Variants in ASH1L observed in about 807,000 individuals in gnomAD.
The protein encoded by ASH1L is histone-lysine N-methyltransferase ASH1L.
In ASH1L, 23 loss-of-function variants were observed where a neutral mutation model predicts 269.0. The observed-to-expected ratio is 0.09, with a 90% CI of 0.06 to 0.12. The LOEUF is 0.12. Ranked by LOEUF, ASH1L falls within the 10% of genes least tolerant of loss-of-function variation. ASH1L has a pLI of 1.00. For synonymous variants in ASH1L, 1,187 were observed against 1,253.5 expected, an observed-to-expected ratio of 0.95 and a Z score of 1.12; for missense variants, 2,912 against 3,567.8, an observed-to-expected ratio of 0.82 and a Z score of 4.68.
At chr1:155,459,941 T>G (rs2148673054) in intron 3 of ASH1L, 43 bp from the exon 4 acceptor site, 1 of 1,448,962 alleles carries the variant, frequency 6.9e-7, no homozygotes. Flanking sequence ...AAAATTCAAC[T>G]TTAAAAATAA....
At chr1:155,450,146 T>C (rs1663359041) in intron 4 of ASH1L, among the ~76,000 whole-genome samples, 1 of 152,226 alleles carries the variant, frequency 6.6e-6, no homozygotes, top group African/African-American at 2.4e-5. Context: ...CTGATAGTTG[T>C]TACTGTGTTC....
At chr1:155,466,880 G>A (rs1219138223) in intron 3 of ASH1L, among the ~76,000 whole-genome samples, 1 of 151,928 alleles carries the variant, frequency 6.6e-6, no homozygotes, top group Non-Finnish European at 1.5e-5. Flanking sequence ...TCTGATCAAA[G>A]CTTATACTCT....
intron 3 of ASH1L, among the ~76,000 whole-genome samples, chr1:155,461,917 G>A (rs895968156): frequency 6.6e-6 from 1 of 150,660 alleles, no homozygotes; most frequent in East Asian, 2.0e-4. Context: ...TCTTGCCTCA[G>A]CCTCCTGAGT....
rs1243995064 is a variant in ASH1L, at chr1:155,481,741, C to T, written c.1129G>A (p.Gly377Ser). 6.2e-7 allele frequency: 1 copy of T among 1,614,056 alleles called. No individual in the cohort carries two copies. The highest frequency in any genetic ancestry group is 8.5e-7 in the Non-Finnish European group (1 of 1,180,044). ...TTGGCCACTAGGCCAACAGTAGAAC[C>T]CAATTTCTTTCCCAAATCTTTATTA... ...LVNKDLGKKL[G>S]STVGLVAKDC... Residue 377 changes from glycine to serine, a missense_variant, in exon 3 of 28, where the codon GGT (glycine) becomes AGT (serine). This residue lies in a region of ASH1L where 277 missense variants were observed against 367.7 expected (regional missense o/e 0.75). Transcript: ENST00000392403.
chr1:155,418,101 G>A (rs768574546), intron 5 of ASH1L, among the ~76,000 whole-genome samples: 3 of 152,116 alleles, frequency 2.0e-5, no homozygotes, highest in Admixed American at 6.6e-5. Context: ...ACAATAATGC[G>A]ACATCACAAT....
rs781161813 is a variant in ASH1L at position 155,336,886 on chromosome 1, C to T, written c.*774G>A. The T allele has an allele frequency of 2.0e-5, 3 of 152,236 alleles. No individual in the cohort carries two copies. Among genetic ancestry groups the T allele is most frequent in the African/African-American group, 4.8e-5 (2 of 41,398 alleles). The allele number at this position is 152,236 out of a possible 1,614,324, so 9.4% of individuals were successfully genotyped here. On this transcript the variant is annotated 3_prime_UTR_variant, in exon 28 of 28. Transcript: ENST00000392403. ...CACAGCAGACACACAAGAACTACAG[C>T]GCATTAAAAACAGCATGTGTGCTGG...
At chr1:155,349,689 A>G in intron 17 of ASH1L, 93 bp from the exon 18 acceptor site, 1 of 1,019,352 alleles carries the variant, frequency 9.8e-7, no homozygotes, top group Non-Finnish European at 1.4e-6. Context: ...TCAAATTAAA[A>G]GTGAGAGAAA....
chr1:155,521,857 C>A (rs986192838), intron 1 of ASH1L, among the ~76,000 whole-genome samples: 11 of 152,238 alleles, frequency 7.2e-5, no homozygotes, highest in African/African-American at 2.6e-4. Flanking sequence ...GGTGCAAATG[C>A]AAATTTAAGA....
At chr1:155,353,150 T>C (rs1654077248) in intron 16 of ASH1L, among the ~76,000 whole-genome samples, 1 of 152,216 alleles carries the variant, frequency 6.6e-6, no homozygotes, top group Non-Finnish European at 1.5e-5. Flanking sequence ...CTGGTGTCAC[T>C]GCTTATTAGT....
chr1:155,534,383 G>A (rs1353528455), intron 1 of ASH1L, among the ~76,000 whole-genome samples: 2 of 149,432 alleles, frequency 1.3e-5, no homozygotes, highest in African/African-American at 2.5e-5. Context: ...AGAGAAAAAC[G>A]GGTGGATTTA....
intron 5 of ASH1L, among the ~76,000 whole-genome samples, chr1:155,436,363 G>A (rs1160170396): frequency 6.6e-6 from 1 of 150,604 alleles, no homozygotes; most frequent in Non-Finnish European, 1.5e-5. Flanking sequence ...AGCTAATTTT[G>A]TATTTTTAGT....
chr1:155,446,035 CTT>C (rs77905341), intron 4 of ASH1L, among the ~76,000 whole-genome samples: 2 of 119,994 alleles, frequency 1.7e-5, no homozygotes, highest in African/African-American at 6.2e-5. Flanking sequence ...CTACACTGTA[CTT>C]TTTTTTTTTT....
chr1:155,524,653 T>G (rs1669115576), intron 1 of ASH1L, among the ~76,000 whole-genome samples: 1 of 151,772 alleles, frequency 6.6e-6, no homozygotes, highest in East Asian at 1.9e-4. Context: ...GACAACACAG[T>G]GAGACCTCAT....
At chr1:155,495,695 C>T (rs1461747798) in intron 2 of ASH1L, among the ~76,000 whole-genome samples, 1 of 152,076 alleles carries the variant, frequency 6.6e-6, no homozygotes, top group Non-Finnish European at 1.5e-5. Context: ...AATTTCCCTT[C>T]GTCAATAATA....
intron 5 of ASH1L, among the ~76,000 whole-genome samples, chr1:155,434,796 A>C (rs1466456753): frequency 7.9e-5 from 12 of 152,156 alleles, no homozygotes; most frequent in Admixed American, 7.9e-4. Flanking sequence ...GGTTGCAGTG[A>C]GCCGAGATTG....
In ASH1L at chr1:155,343,835, C is replaced by CCTG; in HGVS notation, c.7982-94_7982-93insCAG. ...TATCTGACTCAGGGTCTACATAGAA[C>CCTG]TCATAATCTGAAACAGTATAAATAC... On this transcript the variant is annotated intron_variant, in intron 22 of 27. Transcript: ENST00000392403. This position sits in a 1 kb window ranked among gnomAD's most constrained non-coding sequence, Gnocchi z 6.1. 7.1e-7 allele frequency: 1 copy of CCTG among 1,410,204 alleles called. No homozygotes were observed. Among genetic ancestry groups the CCTG allele is most frequent in the Non-Finnish European group, 9.7e-7 (1 of 1,028,766 alleles). The allele number at this position is 1,410,204 out of a possible 1,614,324, so 87.4% of individuals were successfully genotyped here.
chr1:155,450,176 T>C (rs752846844), intron 4 of ASH1L, among the ~76,000 whole-genome samples: 2 of 152,226 alleles, frequency 1.3e-5, no homozygotes, highest in African/African-American at 2.4e-5. Context: ...TGTTTGTATG[T>C]ATGTGTTTTT....
intron 2 of ASH1L, among the ~76,000 whole-genome samples, chr1:155,491,773 A>T: frequency 6.6e-6 from 1 of 151,226 alleles, no homozygotes; most frequent in East Asian, 2.0e-4. Flanking sequence ...GGGTTCAAGC[A>T]ATTCTTGTGC....
chr1:155,487,272 A>G (rs544167853), intron 2 of ASH1L, among the ~76,000 whole-genome samples: 1 of 152,190 alleles, frequency 6.6e-6, no homozygotes, highest in Non-Finnish European at 1.5e-5. Flanking sequence ...CACAAAGAGG[A>G]AAAATTTATT....
Sources: allele counts gnomAD v4.1 joint callset (sites outside exome capture counted in the v4.1 genomes callset), GRCh38; gene constraint gnomAD v4.1.1; regional missense constraint gnomAD v4.1.1; non-coding constraint Gnocchi (gnomAD v3.1); transcripts MANE v1.5; gene names NCBI Gene and HGNC (gene_info 2026-07-23, HGNC 2026-07-21).